C6orf62: variants seen among roughly 807,000 people sequenced by gnomAD.
C6orf62 encodes chromosome 6 open reading frame 62.
C6orf62 carries 16 observed loss-of-function variants against 26.8 expected under a neutral mutation model. The observed-to-expected ratio is 0.60, with a 90% CI of 0.40 to 0.91. The LOEUF (loss-of-function observed/expected upper bound fraction) is 0.91. Ranked by LOEUF, C6orf62 falls within the 40% of genes least tolerant of loss-of-function variation. The probability of loss-of-function intolerance (pLI) is 0.00; values close to 1 mark genes in which losing one functional copy is unlikely to be tolerated. For missense variants in C6orf62, 192 were observed against 271.4 expected (o/e 0.71, Z 2.06); for synonymous variants, 112 against 91.5 (o/e 1.22, Z -1.28).
chr6:24,718,719 G>C lies in C6orf62; in HGVS notation c.-51C>G, dbSNP rs1393324081. 2 of 1,599,728 alleles carry C rather than the reference G, an allele frequency of 1.3e-6. No individual in the cohort carries two copies. Among genetic ancestry groups the C allele is most frequent in the South Asian group, 2.3e-5 (2 of 87,378 alleles). On this transcript the variant is annotated 5_prime_UTR_variant, in exon 1 of 5. Transcript: ENST00000378119. Reference sequence around the variant, plus strand: ...CTTTGGAAATTGTCACTAAACTATGGGCACTTTTTCTTAAGACTCAAGTAC... The same window carrying C: ...CTTTGGAAATTGTCACTAAACTATGCGCACTTTTTCTTAAGACTCAAGTAC...
intron 3 of C6orf62, among the ~76,000 whole-genome samples, chr6:24,713,650 A>AAT (rs1265268269): frequency 2.6e-5 from 4 of 152,286 alleles, no homozygotes; most frequent in Non-Finnish European, 5.9e-5. Context: ...CACAAATGTA[A>AAT]ATATATATAT....
chr6:24,706,704 G>C (rs2127631778), intron 4 of C6orf62: 1 of 163,066 alleles, frequency 6.1e-6, no homozygotes, highest in Non-Finnish European at 1.3e-5. Context: ...TTGAGCCCAA[G>C]AGTTCAAGAC....
intron 3 of C6orf62, among the ~76,000 whole-genome samples, chr6:24,712,518 A>G (rs534005358): frequency 6.6e-6 from 1 of 151,812 alleles, no homozygotes; most frequent in Non-Finnish European, 1.5e-5. Context: ...AAAATACAAA[A>G]ATTAGCTGGG....
chr6:24,706,336 C>T, intron 4 of C6orf62, 74 bp from the exon 5 acceptor site: 4 of 1,562,642 alleles, frequency 2.6e-6, no homozygotes, highest in Non-Finnish European at 3.5e-6. Context: ...GTCCATTTCC[C>T]ACAATTTATT....
At chr6:24,720,008 A>C, upstream of C6orf62, 1 of 1,519,140 alleles carries the variant, frequency 6.6e-7, no homozygotes, top group Non-Finnish European at 8.8e-7. Context: ...TTACTTCTAA[A>C]GTAAGCCCAC....
At chr6:24,719,898 T>C (rs1025090161), upstream of C6orf62, 16 of 1,534,320 alleles carry the variant, frequency 1.0e-5, no homozygotes, top group Admixed American at 1.8e-4. Context: ...AGGTTTTCAC[T>C]CATTTCATCG....
chr6:24,706,252 T>G lies in C6orf62; in HGVS notation c.575A>C (p.Asn192Thr), dbSNP rs1779007484. The G allele has an allele frequency of 1.2e-6, 2 of 1,614,082 alleles. No homozygotes were observed. The highest frequency in any genetic ancestry group is 2.2e-5 in the East Asian group (1 of 44,870). The part of the protein sequence containing the change: ...IDRQHLQTPK[N>T]KATIFKLCSI... ...GCATAACTTGAAGATTGTAGCTTTG[T>G]TTTTTGGAGTCTGGAAGGGGAAAAC... The change falls in exon 5 of 5, where the codon AAC (asparagine) becomes ACC (threonine). Residue 192 changes from asparagine to threonine, a missense_variant. Asn to Thr is a moderately conservative substitution (Grantham distance 65). Transcript: ENST00000378119.
At chr6:24,719,689 G>A (rs1779314877), upstream of C6orf62, 3 of 1,475,954 alleles carry the variant, frequency 2.0e-6, no homozygotes, top group East Asian at 2.5e-5. Flanking sequence ...ACTTCCCTGT[G>A]GATCTGCCCC....
rs77872818 is a variant in C6orf62, at chr6:24,710,652, G to A, written c.430-1741C>T. 7.5e-4 allele frequency: 739 copies of A among 981,458 alleles called. 4 individuals are homozygous for A. In the African/African-American group the frequency reaches 0.011, roughly 15 times the overall value. 60.8% of individuals were successfully genotyped at this position (981,458 alleles called of 1,614,324 possible). A position where few individuals can be genotyped will look rare whatever the true frequency, so the allele number is the denominator to read the frequency against. The stretch of plus-strand genomic sequence containing the variant: ...CGGGAACATTATGATTTTGGATTGC[G>A]CCTTTAAAGATTAAGAGGATTTCCC... On this transcript the variant is annotated intron_variant, in intron 3 of 4. Transcript: ENST00000378119.
At chr6:24,718,170 C>A (rs1203800570) in intron 1 of C6orf62, among the ~76,000 whole-genome samples, 2 of 152,314 alleles carry the variant, frequency 1.3e-5, no homozygotes, top group South Asian at 4.1e-4. Flanking sequence ...AGTCTGATTA[C>A]AATTTCACAC....
At chr6:24,719,457 G>A (rs1779307897), upstream of C6orf62, 3 of 1,088,804 alleles carry the variant, frequency 2.8e-6, no homozygotes, top group Non-Finnish European at 3.4e-6. Context: ...GTGGCCCAAA[G>A]GAGCCATGAG....
chr6:24,720,481 G>A (rs1779334600), upstream of C6orf62: 5 of 760,892 alleles, frequency 6.6e-6, no homozygotes, highest in South Asian at 1.2e-4. Context: ...GGGGAAGGAC[G>A]CGGAGACAGC....
At chr6:24,713,031 T>G (rs1352830579) in intron 3 of C6orf62, among the ~76,000 whole-genome samples, 2 of 152,212 alleles carry the variant, frequency 1.3e-5, no homozygotes, top group Non-Finnish European at 2.9e-5. Context: ...CAGTCAGATA[T>G]CATCCATTAA....
intron 1 of C6orf62, among the ~76,000 whole-genome samples, chr6:24,717,989 T>C (rs901732285): frequency 1.3e-5 from 2 of 152,180 alleles, no homozygotes; most frequent in Non-Finnish European, 2.9e-5. Context: ...TGTACTTCTA[T>C]ACAAGGCAAA....
upstream of C6orf62, chr6:24,720,231 G>A: frequency 7.6e-7 from 1 of 1,314,262 alleles, no homozygotes; most frequent in Non-Finnish European, 9.7e-7. Context: ...CTCTAGGGCG[G>A]GGTTTGGGCC....
At chr6:24,720,797 G>A (rs1001437756), upstream of C6orf62, 3 of 152,286 alleles carry the variant, frequency 2.0e-5, no homozygotes, top group Admixed American at 1.3e-4. Context: ...AAGCGGCGAA[G>A]GCCTCGGGCG....
upstream of C6orf62, chr6:24,719,729 C>T (rs1384687399): frequency 6.6e-7 from 1 of 1,524,456 alleles, no homozygotes; most frequent in Middle Eastern, 2.4e-4. Context: ...TGCGATTTAT[C>T]TTCTTGTGAG....
Position 24,709,211 on chromosome 6 carries a change from G to A in C6orf62, c.430-300C>T, listed in dbSNP as rs546004128. 1,073 of 984,182 alleles carry A rather than the reference G, an allele frequency of 1.1e-3. 1 individual carries two copies. The highest frequency in any genetic ancestry group is 1.2e-3 in the Non-Finnish European group (1,021 of 828,838). 61.0% of individuals were successfully genotyped at this position (984,182 alleles called of 1,614,324 possible). A position where few individuals can be genotyped will look rare whatever the true frequency, so the allele number is the denominator to read the frequency against. On this transcript the variant is annotated intron_variant, in intron 3 of 4. Coordinates refer to ENST00000378119, the MANE Select transcript of C6orf62 (RefSeq NM_030939.5). ...GATACAGAACATTTCCTTAATTGTA[G>A]AGAATTCTATTGGACAGTACACTCC... is the stretch of plus-strand genomic sequence containing the variant.
upstream of C6orf62, chr6:24,719,594 T>A (rs1779311138): frequency 1.4e-6 from 2 of 1,395,348 alleles, no homozygotes. Flanking sequence ...CGGTATTAAT[T>A]ATTCCGGCTC....
Sources: allele counts gnomAD v4.1 joint callset (sites outside exome capture counted in the v4.1 genomes callset), GRCh38; gene constraint gnomAD v4.1.1; transcripts MANE v1.5; gene names NCBI Gene and HGNC (gene_info 2026-07-23, HGNC 2026-07-21).